PALM2AKAP2: variants seen among roughly 807,000 people sequenced by gnomAD.
PALM2AKAP2 encodes PALM2-AKAP2 fusion protein.
PALM2AKAP2 carries 37 observed loss-of-function variants against 71.5 expected under a neutral mutation model. The observed-to-expected ratio is 0.52, with a 90% confidence interval of 0.40 to 0.68. PALM2AKAP2 has a LOEUF of 0.68. Among genes scored for constraint, PALM2AKAP2 ranks in the 30% least tolerant of loss-of-function variants. PALM2AKAP2 has a pLI of 0.00. For missense variants in PALM2AKAP2, 1,224 were observed against 1,191.8 expected (o/e 1.03, Z -0.40); for synonymous variants, 468 against 478.8 (o/e 0.98, Z 0.29).
intron 1 of PALM2AKAP2, among the ~76,000 whole-genome samples, chr9:109,741,713 G>A (rs1020643263): frequency 6.6e-6 from 1 of 152,172 alleles, no homozygotes; most frequent in Non-Finnish European, 1.5e-5. Context: ...ATCGTGAAAG[G>A]ATTTTCTCGT....
chr9:109,658,323 T>A (rs540800810), intron 1 of PALM2AKAP2, among the ~76,000 whole-genome samples: 23 of 152,250 alleles, frequency 1.5e-4, no homozygotes, highest in African/African-American at 4.1e-4. Context: ...TTCAAGTTGA[T>A]AGGCAGAAGT....
chr9:109,724,073 T>A (rs1353734110), intron 1 of PALM2AKAP2, among the ~76,000 whole-genome samples: 1 of 152,190 alleles, frequency 6.6e-6, no homozygotes, highest in African/African-American at 2.4e-5. Flanking sequence ...AGGGGCTCAA[T>A]GTGAAGGCTT....
intron 1 of PALM2AKAP2, among the ~76,000 whole-genome samples, 177 bp downstream of exon 1, chr9:109,780,710 A>AC (rs937542196): frequency 5.3e-5 from 8 of 151,746 alleles, no homozygotes; most frequent in African/African-American, 1.9e-4. Flanking sequence ...ATAGATGGAG[A>AC]CCCCCAAGGG....
intron 2 of PALM2AKAP2, among the ~76,000 whole-genome samples, chr9:109,871,236 C>T (rs1829596404): frequency 6.6e-6 from 1 of 152,142 alleles, no homozygotes; most frequent in African/African-American, 2.4e-5. Context: ...AATGGAATAT[C>T]ATCACTTTGT....
At chr9:110,167,220 G>A (rs372875700) in intron 3 of PALM2AKAP2, among the ~76,000 whole-genome samples, 153 of 152,312 alleles carry the variant, frequency 1.0e-3, no homozygotes, top group African/African-American at 3.5e-3. Context: ...TTTGGGTGGA[G>A]ACACAGCCAA....
intron 1 of PALM2AKAP2, among the ~76,000 whole-genome samples, chr9:110,088,765 G>A (rs1446943921): frequency 7.6e-6 from 1 of 131,438 alleles, no homozygotes; most frequent in Non-Finnish European, 1.6e-5. Context: ...TGTCGCCCAG[G>A]CTGGAGTGCA....
At chr9:109,713,640 A>G (rs1828273887) in intron 1 of PALM2AKAP2, among the ~76,000 whole-genome samples, 1 of 152,208 alleles carries the variant, frequency 6.6e-6, no homozygotes, top group Non-Finnish European at 1.5e-5. Context: ...CAAAAATCTC[A>G]TTAGCAAGCA....
chr9:109,918,280 C>T (rs1302814326), intron 3 of PALM2AKAP2, among the ~76,000 whole-genome samples: 1 of 152,156 alleles, frequency 6.6e-6, no homozygotes, highest in Non-Finnish European at 1.5e-5. Context: ...ATGCACTTCC[C>T]AGAGCGAGAG....
chr9:110,074,986 G>T (rs1265646713), intron 1 of PALM2AKAP2, among the ~76,000 whole-genome samples: 1 of 151,704 alleles, frequency 6.6e-6, no homozygotes, highest in Non-Finnish European at 1.5e-5. Context: ...CTGAGCGACA[G>T]AGTGAGACTC....
chr9:109,916,770 G>A (rs923710516), intron 3 of PALM2AKAP2, among the ~76,000 whole-genome samples: 1 of 152,252 alleles, frequency 6.6e-6, no homozygotes, highest in Non-Finnish European at 1.5e-5. Context: ...CATTCCAGAA[G>A]TGGTGTACTC....
intron 1 of PALM2AKAP2, among the ~76,000 whole-genome samples, chr9:109,742,678 A>G (rs1307662317): frequency 6.6e-6 from 1 of 152,182 alleles, no homozygotes; most frequent in Non-Finnish European, 1.5e-5. Context: ...TATTTCTTAT[A>G]TATACCACAT....
At chr9:109,740,513 T>A (rs1273296062) in intron 1 of PALM2AKAP2, among the ~76,000 whole-genome samples, 1 of 152,172 alleles carries the variant, frequency 6.6e-6, no homozygotes, top group Non-Finnish European at 1.5e-5. Context: ...GACTGGCTCC[T>A]GAGGCTAGGA....
chr9:109,923,695 G>T, intron 3 of PALM2AKAP2, 40 bp from the exon 4 acceptor site: 1 of 1,546,532 alleles, frequency 6.5e-7, no homozygotes, highest in South Asian at 1.2e-5. Flanking sequence ...TGGATGGCAG[G>T]ACAATAAAGT....
chr9:109,720,560 T>A (rs1185366181), intron 1 of PALM2AKAP2, among the ~76,000 whole-genome samples: 2 of 152,084 alleles, frequency 1.3e-5, no homozygotes, highest in Non-Finnish European at 2.9e-5. Flanking sequence ...AGAGAGAAAA[T>A]GAGAAGAAGC....
chr9:109,683,337 C>G (rs1827764804), intron 1 of PALM2AKAP2, among the ~76,000 whole-genome samples: 1 of 152,032 alleles, frequency 6.6e-6, no homozygotes, highest in Non-Finnish European at 1.5e-5. Context: ...AATCCAATGT[C>G]AGATATCCTT....
At chr9:109,989,422 G>T (rs1189431192) in intron 6 of PALM2AKAP2, among the ~76,000 whole-genome samples, 2 of 152,176 alleles carry the variant, frequency 1.3e-5, no homozygotes, top group South Asian at 2.1e-4. Context: ...CTACTCAAAA[G>T]TTCTGCTCTC....
intron 1 of PALM2AKAP2, among the ~76,000 whole-genome samples, chr9:109,850,949 G>C (rs571027618): frequency 6.6e-6 from 1 of 151,926 alleles, no homozygotes; most frequent in African/African-American, 2.4e-5. Context: ...AGGCCGAGGC[G>C]GGCGGATCAC....
At chr9:109,655,882 TGC>T (rs1317346654) in intron 1 of PALM2AKAP2, among the ~76,000 whole-genome samples, 1 of 152,214 alleles carries the variant, frequency 6.6e-6, no homozygotes. Context: ...TCATGAATAG[TGC>T]TGCCATGAAC....
intron 6 of PALM2AKAP2, among the ~76,000 whole-genome samples, chr9:109,974,571 C>T (rs1019114593): frequency 9.9e-5 from 15 of 152,194 alleles, no homozygotes; most frequent in South Asian, 4.1e-4. Flanking sequence ...TGCCAACGCA[C>T]GCCACTCTCA....
Sources: allele counts gnomAD v4.1 joint callset (sites outside exome capture counted in the v4.1 genomes callset), GRCh38; gene constraint gnomAD v4.1.1; transcripts MANE v1.5; gene names NCBI Gene and HGNC (gene_info 2026-07-23, HGNC 2026-07-21).